The following SMYD3 variants were observed in gnomAD, a reference collection of about 807,000 sequenced individuals.
The protein encoded by SMYD3 is histone-lysine N-methyltransferase SMYD3.
Under a neutral mutation model 57.7 loss-of-function variants are expected in SMYD3, and 36 were observed. The ratio of observed to expected loss-of-function variants is 0.62; its 90% confidence interval spans 0.48 to 0.82. The LOEUF (loss-of-function observed/expected upper bound fraction) is 0.82. SMYD3 is among the 40% of genes least tolerant of loss of function. The pLI is 0.00. For synonymous variants in SMYD3, 211 were observed against 195.0 expected (o/e 1.08, Z -0.68); for missense variants, 515 against 538.8 (o/e 0.96, Z 0.44).
intron 5 of SMYD3, among the ~76,000 whole-genome samples, chr1:245,945,050 G>A (rs12026394): frequency 0.081 from 12,281 of 151,986 alleles, 847 homozygotes; most frequent in East Asian, 0.24. Context: ...AAAAAATCTC[G>A]GCAATACCAT....
At chr1:245,773,034 T>G (rs145366180) in intron 10 of SMYD3, among the ~76,000 whole-genome samples, 1 of 144,160 alleles carries the variant, frequency 6.9e-6, no homozygotes, top group African/African-American at 2.6e-5. Flanking sequence ...ATTAGTGGAA[T>G]GCACTGTTGC....
At chr1:246,078,848 A>G (rs1221074355) in intron 5 of SMYD3, among the ~76,000 whole-genome samples, 1 of 152,200 alleles carries the variant, frequency 6.6e-6, no homozygotes, top group Non-Finnish European at 1.5e-5. Context: ...GGTTTCCTCT[A>G]AACAGTCATT....
Position 246,273,161 on chromosome 1 carries a change from T to TTTTTTTG in SMYD3, c.531+54039_531+54040insCAAAAAA, listed in dbSNP as rs2064258201. 7.3e-4 allele frequency among the ~76,000 whole-genome samples: 96 copies of TTTTTTTG among 131,074 alleles called. 1 individual carries two copies. The highest frequency in any genetic ancestry group is 2.3e-3 in the East Asian group (10 of 4,386). The allele number at this position is 131,074 out of a possible 152,430, so 86.0% of individuals were successfully genotyped here. ...TTTTTTTTTTTTTTTTTCTTTTTTT[T>TTTTTTTG]GGGGGGGGGACAGAGTCTTGCTCTG... is the stretch of plus-strand genomic sequence containing the variant. On this transcript the variant is annotated intron_variant, in intron 5 of 11. Coordinates refer to ENST00000490107, the MANE Select transcript of SMYD3 (RefSeq NM_001167740.2).
At chr1:246,123,342 C>A (rs1363643949) in intron 5 of SMYD3, among the ~76,000 whole-genome samples, 3 of 152,054 alleles carry the variant, frequency 2.0e-5, no homozygotes, top group African/African-American at 7.2e-5. Flanking sequence ...CCGAGGTGGG[C>A]AGATCATGAG....
At chr1:246,359,184 C>A (rs370646685) in intron 1 of SMYD3, among the ~76,000 whole-genome samples, 1 of 152,134 alleles carries the variant, frequency 6.6e-6, no homozygotes. Context: ...CTATGAACAC[C>A]TTTATGTGCC....
chr1:246,386,641 T>TAAA (rs35215830), intron 1 of SMYD3, among the ~76,000 whole-genome samples: 12 of 144,542 alleles, frequency 8.3e-5, no homozygotes, highest in South Asian at 2.2e-4. Context: ...TTTTAATTGT[T>TAAA]AAAAAAAAAA....
At chr1:246,488,395 T>A (rs2068219691) in intron 1 of SMYD3, among the ~76,000 whole-genome samples, 1 of 152,054 alleles carries the variant, frequency 6.6e-6, no homozygotes, top group Non-Finnish European at 1.5e-5. Flanking sequence ...CAGAAAAAAA[T>A]AACAGAGATT....
At chr1:246,003,673 A>G (rs2059119370) in intron 5 of SMYD3, among the ~76,000 whole-genome samples, 1 of 152,170 alleles carries the variant, frequency 6.6e-6, no homozygotes, top group African/African-American at 2.4e-5. Context: ...TATTATTCCA[A>G]TGATCTGAAT....
intron 8 of SMYD3, among the ~76,000 whole-genome samples, chr1:245,869,239 A>G (rs2052041001): frequency 6.6e-6 from 1 of 152,204 alleles, no homozygotes; most frequent in Non-Finnish European, 1.5e-5. Flanking sequence ...TTTTCTACAA[A>G]TGCTAAAAAG....
At chr1:246,215,209 G>A (rs961830185) in intron 5 of SMYD3, among the ~76,000 whole-genome samples, 3 of 152,038 alleles carry the variant, frequency 2.0e-5, no homozygotes, top group East Asian at 1.9e-4. Context: ...AAACAGTTTC[G>A]CAATCTCTTC....
At chr1:246,022,897 A>G (rs1292783725) in intron 5 of SMYD3, among the ~76,000 whole-genome samples, 1 of 152,154 alleles carries the variant, frequency 6.6e-6, no homozygotes, top group Non-Finnish European at 1.5e-5. Context: ...TTAACTCTAG[A>G]TTTTCTTATC....
intron 3 of SMYD3, 51 bp downstream of exon 3, chr1:246,335,316 A>G (rs773588947): frequency 6.7e-7 from 1 of 1,486,872 alleles, no homozygotes; most frequent in Non-Finnish European, 9.4e-7. Flanking sequence ...ATGCAATTGC[A>G]TATGTTTATT....
intron 2 of SMYD3, among the ~76,000 whole-genome samples, chr1:246,348,077 T>TATATATACACACACATACATAC: frequency 2.3e-5 from 2 of 86,484 alleles, no homozygotes; most frequent in Non-Finnish European, 5.2e-5. Context: ...TATATATATA[T>TATATATACACACACATACATAC]ACACACACAC....
intron 5 of SMYD3, among the ~76,000 whole-genome samples, chr1:245,949,145 C>T (rs996018359): frequency 4.6e-5 from 7 of 152,188 alleles, no homozygotes; most frequent in Non-Finnish European, 7.3e-5. Context: ...CTATGCCACG[C>T]CCATTGCCCA....
At chr1:246,278,288 C>T (rs893015354) in intron 5 of SMYD3, among the ~76,000 whole-genome samples, 2 of 152,050 alleles carry the variant, frequency 1.3e-5, no homozygotes, top group South Asian at 4.1e-4. Flanking sequence ...GGCCCCTCCC[C>T]TAAGACACCT....
chr1:245,827,672 C>T (rs560252218), intron 10 of SMYD3, among the ~76,000 whole-genome samples: 2 of 152,330 alleles, frequency 1.3e-5, no homozygotes, highest in Admixed American at 6.5e-5. Context: ...CATCCCACCA[C>T]CTAAGAGTGT....
Position 246,135,570 on chromosome 1 carries a change from GC to G in SMYD3, c.531+191630del, listed in dbSNP as rs533475990. 3.5e-3 allele frequency among the ~76,000 whole-genome samples: 526 copies of G among 152,010 alleles called. 1 individual carries two copies. Among genetic ancestry groups the G allele is most frequent in the South Asian group, 4.4e-3 (21 of 4,814 alleles). ...ACATAAATTTGCTTAAGATGCAGAGGCAAAAGTGATCCCAATATCAATCACC... is the reference window on the plus strand; with the variant it reads ...ACATAAATTTGCTTAAGATGCAGAGGAAAAGTGATCCCAATATCAATCACC... On this transcript the variant is annotated intron_variant, in intron 5 of 11. Transcript: ENST00000490107.
intron 5 of SMYD3, among the ~76,000 whole-genome samples, chr1:246,104,169 C>T (rs888927109): frequency 8.5e-5 from 13 of 152,146 alleles, no homozygotes; most frequent in African/African-American, 3.1e-4. Flanking sequence ...ACAAGTCTTA[C>T]CACTGAATTT....
At chr1:246,278,056 A>G (rs1572328136) in intron 5 of SMYD3, among the ~76,000 whole-genome samples, 1 of 152,346 alleles carries the variant, frequency 6.6e-6, no homozygotes, top group South Asian at 2.1e-4. Flanking sequence ...AAGGGAGTAC[A>G]ACTGCAAACA....
Sources: gnomAD v4.1 joint callset for allele counts (sites outside exome capture counted in the v4.1 genomes callset) on GRCh38, gnomAD v4.1.1 for gene constraint, MANE v1.5 for transcripts, NCBI Gene and HGNC (gene_info 2026-07-23, HGNC 2026-07-21) for gene names.